The following EDIL3 variants were observed in gnomAD, a reference collection of about 807,000 sequenced individuals.
EDIL3 encodes the protein EGF-like repeat and discoidin I-like domain-containing protein 3.
EDIL3 carries 37 observed loss-of-function variants against 67.4 expected under a neutral mutation model. That is an observed-to-expected ratio of 0.55 (90% CI 0.42 to 0.72). EDIL3 has a LOEUF of 0.72. Ranked by LOEUF, EDIL3 falls within the 30% of genes least tolerant of loss-of-function variation. EDIL3 has a pLI of 0.00. For missense variants in EDIL3, 527 were observed against 586.3 expected (o/e 0.90, Z 1.04); for synonymous variants, 195 against 196.3 (o/e 0.99, Z 0.05).
chr5:84,104,728 G>A (rs1747428056), intron 6 of EDIL3, among the ~76,000 whole-genome samples: 1 of 151,900 alleles, frequency 6.6e-6, no homozygotes, highest in African/African-American at 2.4e-5. Context: ...TGTCCTGTTC[G>A]ATTAAGGTTA....
intron 6 of EDIL3, among the ~76,000 whole-genome samples, chr5:84,077,065 G>A (rs556799140): frequency 7.9e-5 from 12 of 152,310 alleles, no homozygotes; most frequent in African/African-American, 1.2e-4. Flanking sequence ...CATCAAGGAT[G>A]TTCTTAAATG....
At chr5:84,026,213 T>C (rs1365519537) in intron 9 of EDIL3, among the ~76,000 whole-genome samples, 5 of 152,190 alleles carry the variant, frequency 3.3e-5, no homozygotes, top group South Asian at 2.1e-4. Context: ...ACACTGACTT[T>C]TGTAGGACAC....
chr5:84,224,336 C>A (rs1344267275), intron 3 of EDIL3, among the ~76,000 whole-genome samples: 3 of 151,316 alleles, frequency 2.0e-5, no homozygotes, highest in African/African-American at 7.3e-5. Flanking sequence ...ACCAAATAAA[C>A]TAAAAGCAAT....
At chr5:84,292,541 T>C (rs1458867517) in intron 1 of EDIL3, among the ~76,000 whole-genome samples, 2 of 152,192 alleles carry the variant, frequency 1.3e-5, no homozygotes, top group African/African-American at 4.8e-5. Context: ...ATACAAACTC[T>C]CAATGGCAGA....
At chr5:84,259,045 T>G (rs922353470) in intron 1 of EDIL3, among the ~76,000 whole-genome samples, 2 of 146,754 alleles carry the variant, frequency 1.4e-5, no homozygotes, top group Non-Finnish European at 3.0e-5. Context: ...CTGCCAGCTC[T>G]GTCTCCCAGG....
intron 6 of EDIL3, among the ~76,000 whole-genome samples, chr5:84,083,074 A>G (rs1747001448): frequency 6.6e-6 from 1 of 152,210 alleles, no homozygotes; most frequent in Non-Finnish European, 1.5e-5. Context: ...ATGAATTTTT[A>G]ATTTGCATTG....
chr5:84,039,269 A>G lies in EDIL3; in HGVS notation c.1137+21031T>C, dbSNP rs111379990. ...GGTAACTTTAACCCATTCCCCAAAT[A>G]GAAAATATTATGCTGAGTTCCTATA... On this transcript the variant is annotated intron_variant, in intron 9 of 10. Transcript: ENST00000296591. Among the ~76,000 whole-genome samples the G allele has an allele frequency of 3.8e-3, 574 of 152,274 alleles. 3 individuals are homozygous for G. Among genetic ancestry groups the G allele is most frequent in the African/African-American group, 0.012 (483 of 41,546 alleles).
intron 4 of EDIL3, among the ~76,000 whole-genome samples, chr5:84,158,603 C>G (rs889470634): frequency 1.3e-5 from 2 of 151,998 alleles, no homozygotes; most frequent in African/African-American, 4.8e-5. Flanking sequence ...GTGCCTAGTA[C>G]TACCTTATTA....
intron 9 of EDIL3, among the ~76,000 whole-genome samples, chr5:83,983,284 A>C (rs1745002614): frequency 6.6e-6 from 1 of 152,128 alleles, no homozygotes; most frequent in Non-Finnish European, 1.5e-5. Context: ...ATGTTTCTGT[A>C]ATCTTTGCAT....
At chr5:84,101,966 C>A (rs1747375000) in intron 6 of EDIL3, among the ~76,000 whole-genome samples, 1 of 151,998 alleles carries the variant, frequency 6.6e-6, no homozygotes, top group South Asian at 2.1e-4. Context: ...AAAAGCTTAT[C>A]CACCATGATC....
chr5:84,172,806 T>C (rs1301274556), intron 4 of EDIL3, among the ~76,000 whole-genome samples: 2 of 152,204 alleles, frequency 1.3e-5, no homozygotes, highest in East Asian at 3.9e-4. Flanking sequence ...ACAACAATGA[T>C]AAGCTAAGTA....
chr5:84,083,835 C>T (rs1747020578), intron 6 of EDIL3, among the ~76,000 whole-genome samples: 1 of 152,152 alleles, frequency 6.6e-6, no homozygotes, highest in Non-Finnish European at 1.5e-5. Flanking sequence ...TTTCAATTCA[C>T]ACTGATCAAG....
intron 3 of EDIL3, among the ~76,000 whole-genome samples, chr5:84,210,780 A>G (rs902613433): frequency 2.0e-5 from 3 of 152,206 alleles, no homozygotes; most frequent in Non-Finnish European, 4.4e-5. Context: ...CATCGAATAG[A>G]CTATGATTTC....
At chr5:84,278,638 T>G (rs1745635377) in intron 1 of EDIL3, among the ~76,000 whole-genome samples, 1 of 152,200 alleles carries the variant, frequency 6.6e-6, no homozygotes, top group African/African-American at 2.4e-5. Context: ...CCACTGTTAC[T>G]TCTTAGATTC....
chr5:84,320,290 G>A (rs1006378735), intron 1 of EDIL3, among the ~76,000 whole-genome samples: 4 of 152,076 alleles, frequency 2.6e-5, no homozygotes, highest in Admixed American at 1.3e-4. Flanking sequence ...AGAAAAATAC[G>A]TTGCTATTTA....
chr5:84,023,056 A>G (rs191780889), intron 9 of EDIL3, among the ~76,000 whole-genome samples: 1 of 152,106 alleles, frequency 6.6e-6, no homozygotes. Flanking sequence ...ACAACTAAAG[A>G]CAAAAATAAT....
intron 4 of EDIL3, among the ~76,000 whole-genome samples, chr5:84,160,955 G>A (rs1012631690): frequency 1.3e-5 from 2 of 151,550 alleles, no homozygotes; most frequent in African/African-American, 4.8e-5. Flanking sequence ...TCACTGCATG[G>A]TGTACAGTAC....
Position 83,946,629 on chromosome 5 carries a change from T to C in EDIL3, c.1294-3061A>G, listed in dbSNP as rs190687252. 1.8e-3 allele frequency among the ~76,000 whole-genome samples: 272 copies of C among 152,018 alleles called. 1 individual carries two copies. The highest frequency in any genetic ancestry group is 3.4e-3 in the Non-Finnish European group (228 of 67,902). On this transcript the variant is annotated intron_variant, in intron 10 of 10. Coordinates refer to ENST00000296591, the MANE Select transcript of EDIL3 (RefSeq NM_005711.5). ...CTTGTTTCTAGCAGCATTAATACAT[T>C]TTTTATAAGACGAGCTACCATTCTT...
intron 9 of EDIL3, among the ~76,000 whole-genome samples, chr5:84,039,108 G>GTT (rs112114634): frequency 0.16 from 23,968 of 146,110 alleles, 3,592 homozygotes; most frequent in African/African-American, 0.4. Flanking sequence ...TAAAGACTGT[G>GTT]TTTTTTTTTT....
Sources: allele counts gnomAD v4.1 joint callset (sites outside exome capture counted in the v4.1 genomes callset), GRCh38; gene constraint gnomAD v4.1.1; transcripts MANE v1.5; gene names NCBI Gene and HGNC (gene_info 2026-07-23, HGNC 2026-07-21).